The following LRRC4C variants were observed in gnomAD, a reference collection of about 807,000 sequenced individuals.
The protein encoded by LRRC4C is leucine-rich repeat-containing protein 4C.
In LRRC4C, 5 loss-of-function variants were observed where a neutral mutation model predicts 33.6. That is an observed-to-expected ratio of 0.15 (90% CI 0.08 to 0.31). LRRC4C has a LOEUF of 0.31. Ranked by LOEUF, LRRC4C falls within the 10% of genes least tolerant of loss-of-function variation. The pLI is 1.00. For synonymous variants in LRRC4C, 329 were observed against 302.0 expected (o/e 1.09, Z -0.93); for missense variants, 560 against 796.7 (o/e 0.70, Z 3.58).
chr11:41,289,291 A>G (rs185163287), intron 1 of LRRC4C, among the ~76,000 whole-genome samples: 33 of 152,312 alleles, frequency 2.2e-4, no homozygotes, highest in Non-Finnish European at 4.3e-4. Context: ...GTATTTTTCC[A>G]TCTCAAAAAT....
At chr11:40,681,007 C>T (rs1274785937) in intron 2 of LRRC4C, among the ~76,000 whole-genome samples, 1 of 152,112 alleles carries the variant, frequency 6.6e-6, no homozygotes, top group Non-Finnish European at 1.5e-5. Context: ...TTGGACAGCA[C>T]AGGTGTAATA....
At chr11:40,242,953 T>A (rs1203989782) in intron 4 of LRRC4C, among the ~76,000 whole-genome samples, 1 of 152,162 alleles carries the variant, frequency 6.6e-6, no homozygotes, top group Non-Finnish European at 1.5e-5. Context: ...GATTTTTTAT[T>A]CCAGTCTGAA....
chr11:40,834,589 G>T (rs1455331620), intron 2 of LRRC4C, among the ~76,000 whole-genome samples: 1 of 151,968 alleles, frequency 6.6e-6, no homozygotes. Context: ...TAGGAATATT[G>T]TTAAGATTCA....
chr11:41,100,104 AAAAAC>A (rs935275918), intron 1 of LRRC4C, among the ~76,000 whole-genome samples: 4 of 152,166 alleles, frequency 2.6e-5, no homozygotes, highest in Non-Finnish European at 5.9e-5. Flanking sequence ...AATTGCTACA[AAAAAC>A]AAAACAAAAC....
Position 40,808,225 on chromosome 11 carries a change from C to T in LRRC4C, c.-407+125410G>A, listed in dbSNP as rs113544959. On this transcript the variant is annotated intron_variant, in intron 2 of 6. Coordinates refer to ENST00000528697, the MANE Select transcript of LRRC4C (RefSeq NM_001258419.2). ...TTATCATAATTATCATTACTGTTTC[C>T]ATTATTATGACTATTTCTAGACTGC... 9.7e-3 allele frequency among the ~76,000 whole-genome samples: 1,475 copies of T among 151,750 alleles called. 15 individuals are homozygous for T. Among genetic ancestry groups the T allele is most frequent in the South Asian group, 0.04 (192 of 4,808 alleles).
intron 3 of LRRC4C, among the ~76,000 whole-genome samples, chr11:40,633,629 T>A (rs193301468): frequency 2.5e-4 from 38 of 152,042 alleles, no homozygotes; most frequent in African/African-American, 8.7e-4. Context: ...CCTCAGGTGA[T>A]CCCATCCACC....
intron 2 of LRRC4C, among the ~76,000 whole-genome samples, chr11:40,912,888 G>A (rs991675597): frequency 6.6e-5 from 10 of 151,928 alleles, no homozygotes; most frequent in Admixed American, 1.3e-4. Flanking sequence ...AAAGGCAGGG[G>A]TTGCAATCCT....
chr11:41,066,860 A>G (rs1347812198), intron 1 of LRRC4C, among the ~76,000 whole-genome samples: 3 of 152,202 alleles, frequency 2.0e-5, no homozygotes, highest in African/African-American at 7.2e-5. Flanking sequence ...AGACAAGCAA[A>G]TGCTGAGGGA....
At chr11:40,287,256 ATGTGTGTGTG>A (rs5791367) in intron 4 of LRRC4C, among the ~76,000 whole-genome samples, 15 of 144,876 alleles carry the variant, frequency 1.0e-4, no homozygotes, top group African/African-American at 2.3e-4. Context: ...ATGTCACTGT[ATGTGTGTGTG>A]TGTGTGTGTG....
rs893815978 is a variant in LRRC4C at position 40,363,058 on chromosome 11, A to G, written c.-269-43337T>C. Among the ~76,000 whole-genome samples, 6 of 152,230 alleles carry G rather than the reference A, an allele frequency of 3.9e-5. No homozygotes were observed. In the East Asian group the frequency reaches 5.8e-4, roughly 15 times the overall value. On this transcript the variant is annotated intron_variant, in intron 3 of 6. Transcript: ENST00000528697. ...CCACTGAGGAATCTCATTACTGGGT[A>G]TATACCTAAAGGAATATAAATTGTT...
At chr11:41,311,697 T>C (rs1045407453) in intron 1 of LRRC4C, among the ~76,000 whole-genome samples, 11 of 152,230 alleles carry the variant, frequency 7.2e-5, no homozygotes, top group African/African-American at 2.7e-4. Context: ...TATTGTATCA[T>C]TATTTTACCA....
intron 3 of LRRC4C, among the ~76,000 whole-genome samples, chr11:40,539,053 C>T (rs1016271960): frequency 2.6e-5 from 4 of 151,824 alleles, no homozygotes; most frequent in Admixed American, 6.6e-5. Flanking sequence ...CTCTTTAGTC[C>T]CTCCACAAAT....
intron 2 of LRRC4C, among the ~76,000 whole-genome samples, chr11:40,692,079 A>T (rs1310596895): frequency 1.3e-5 from 2 of 152,006 alleles, no homozygotes; most frequent in African/African-American, 2.4e-5. Context: ...CATGCAGGTG[A>T]GTTACAACTT....
At chr11:40,906,092 G>A (rs1956404056) in intron 2 of LRRC4C, among the ~76,000 whole-genome samples, 1 of 152,194 alleles carries the variant, frequency 6.6e-6, no homozygotes, top group African/African-American at 2.4e-5. Context: ...TCAACATGGA[G>A]GCAAAACTCT....
At chr11:41,372,565 A>T (rs981611507) in intron 1 of LRRC4C, among the ~76,000 whole-genome samples, 28 of 152,122 alleles carry the variant, frequency 1.8e-4, no homozygotes, top group African/African-American at 6.8e-4. Context: ...ATATTACCAA[A>T]CTTATGAACT....
At chr11:41,368,626 A>G (rs1193502577) in intron 1 of LRRC4C, among the ~76,000 whole-genome samples, 1 of 152,254 alleles carries the variant, frequency 6.6e-6, no homozygotes, top group African/African-American at 2.4e-5. Context: ...TCTACCAACC[A>G]TCACACATGG....
chr11:40,418,920 C>G (rs1342640939), intron 3 of LRRC4C, among the ~76,000 whole-genome samples: 2 of 152,048 alleles, frequency 1.3e-5, no homozygotes, highest in Non-Finnish European at 2.9e-5. Context: ...GGGAGCTAAA[C>G]AATGAGAACA....
chr11:40,282,560 AGAGATTAATAAT>A (rs554146024), intron 4 of LRRC4C, among the ~76,000 whole-genome samples: 76 of 152,294 alleles, frequency 5.0e-4, no homozygotes, highest in African/African-American at 1.6e-3. Context: ...TGCTATTATT[AGAGATTAATAAT>A]ATTAATCTCT....
intron 1 of LRRC4C, among the ~76,000 whole-genome samples, chr11:41,281,415 C>A (rs190096793): frequency 2.6e-5 from 4 of 152,116 alleles, no homozygotes; most frequent in African/African-American, 4.8e-5. Context: ...GACTACATAG[C>A]GCTCAGTCTT....
Sources: allele counts gnomAD v4.1 joint callset (sites outside exome capture counted in the v4.1 genomes callset), GRCh38; gene constraint gnomAD v4.1.1; transcripts MANE v1.5; gene names NCBI Gene and HGNC (gene_info 2026-07-23, HGNC 2026-07-21).